Variants in RANBP2 observed in about 807,000 individuals in gnomAD.
RANBP2 encodes the protein RAN binding protein 2.
In RANBP2, 57 loss-of-function variants were observed where a neutral mutation model predicts 303.6. That is an observed-to-expected ratio of 0.19 (90% CI 0.15 to 0.23). The LOEUF (loss-of-function observed/expected upper bound fraction) is 0.23. RANBP2 is among the 10% of genes least tolerant of loss of function. The probability of loss-of-function intolerance (pLI) is 1.00; values close to 1 mark genes in which losing one functional copy is unlikely to be tolerated. For missense variants in RANBP2, 3,138 were observed against 3,780.8 expected (o/e 0.83, Z 4.46); for synonymous variants, 1,167 against 1,301.5 (o/e 0.90, Z 2.23).
chr2:109,495,039 A>C, the RANBP2 span, among the ~76,000 whole-genome samples: 2 of 152,156 alleles, frequency 1.3e-5, no homozygotes. Context: ...CCAGTCTCGT[A>C]AGTAGACTTA....
intron 9 of RANBP2, among the ~76,000 whole-genome samples, chr2:108,750,497 T>C (rs1675789036): frequency 6.6e-6 from 1 of 152,226 alleles, no homozygotes; most frequent in Non-Finnish European, 1.5e-5. Flanking sequence ...TCTTTAAGTC[T>C]TGCAAATTGC....
Position 108,736,024 on chromosome 2 carries a change from A to G in RANBP2, c.637-80A>G, listed in dbSNP as rs554738088. On this transcript the variant is annotated intron_variant, in intron 5 of 28. Transcript: ENST00000283195. ...TTCACAAATGTGGTTGGAGTGAGAAAAGGAATTTGTAGGCTTAAAATGATT... is the reference window on the plus strand; with the variant it reads ...TTCACAAATGTGGTTGGAGTGAGAAGAGGAATTTGTAGGCTTAAAATGATT... 7.0e-5 allele frequency: 113 copies of G among 1,610,662 alleles called. No homozygotes were observed. The South Asian group carries it at 1.1e-3, about 16-fold the overall frequency.
At chr2:109,302,635 G>C in the RANBP2 span, among the ~76,000 whole-genome samples, 4 of 152,368 alleles carry the variant, frequency 2.6e-5, no homozygotes, top group African/African-American at 7.2e-5. Flanking sequence ...GCCAGCCCAG[G>C]CCGCCAGGTC....
chr2:108,744,953 C>T (rs1460371110), intron 7 of RANBP2, among the ~76,000 whole-genome samples: 1 of 152,018 alleles, frequency 6.6e-6, no homozygotes, highest in Admixed American at 6.6e-5. Context: ...ATTGCATTTA[C>T]TTTATTTCCA....
chr2:109,194,130 A>T, the RANBP2 span, among the ~76,000 whole-genome samples: 1 of 152,222 alleles, frequency 6.6e-6, no homozygotes, highest in African/African-American at 2.4e-5. Context: ...GTTGCTGTTG[A>T]TGGAGTCACT....
chr2:109,330,423 T>C, the RANBP2 span, among the ~76,000 whole-genome samples: 1 of 152,362 alleles, frequency 6.6e-6, no homozygotes, highest in South Asian at 2.1e-4. Context: ...GATTATTCCT[T>C]AGTCATGTAT....
chr2:109,386,416 TA>T, the RANBP2 span, among the ~76,000 whole-genome samples: 181 of 147,120 alleles, frequency 1.2e-3, no homozygotes, highest in East Asian at 2.6e-3. Context: ...ACAAGAAGTT[TA>T]AAAAAAAAAA....
the RANBP2 span, among the ~76,000 whole-genome samples, chr2:109,766,320 C>A: frequency 6.6e-6 from 1 of 150,848 alleles, no homozygotes; most frequent in Non-Finnish European, 1.5e-5. Flanking sequence ...GTTGCATCCG[C>A]TGTGGAGGAG....
chr2:109,340,475 A>T, the RANBP2 span, among the ~76,000 whole-genome samples: 1 of 152,172 alleles, frequency 6.6e-6, no homozygotes, highest in Non-Finnish European at 1.5e-5. Context: ...TTCTTTGCTG[A>T]ATTCACTTAT....
At chr2:109,139,759 A>G in the RANBP2 span, among the ~76,000 whole-genome samples, 1 of 152,262 alleles carries the variant, frequency 6.6e-6, no homozygotes, top group Admixed American at 6.5e-5. Flanking sequence ...GCTATGGGTC[A>G]GCAGCCCATT....
chr2:109,391,048 C>A, the RANBP2 span, among the ~76,000 whole-genome samples: 1 of 152,240 alleles, frequency 6.6e-6, no homozygotes, highest in Non-Finnish European at 1.5e-5. Flanking sequence ...GACCAGCCTG[C>A]ACCTGACAGG....
chr2:108,820,296 A>C, the RANBP2 span, among the ~76,000 whole-genome samples: 4 of 152,284 alleles, frequency 2.6e-5, no homozygotes, highest in Non-Finnish European at 5.9e-5. Context: ...AAGAGAAAAA[A>C]ACGAAGAAAA....
At chr2:109,164,667 T>C in the RANBP2 span, among the ~76,000 whole-genome samples, 1 of 152,202 alleles carries the variant, frequency 6.6e-6, no homozygotes, top group Non-Finnish European at 1.5e-5. Flanking sequence ...CACTTACTTG[T>C]ATCAACTGCC....
the RANBP2 span, among the ~76,000 whole-genome samples, chr2:109,109,114 T>C: frequency 2.0e-5 from 3 of 152,388 alleles, no homozygotes; most frequent in East Asian, 5.8e-4. Flanking sequence ...GGAGGGATTC[T>C]GTCTCAGTGG....
the RANBP2 span, among the ~76,000 whole-genome samples, chr2:109,037,323 C>CAAAAAAAAA: frequency 1.8e-5 from 1 of 54,334 alleles, no homozygotes; most frequent in Non-Finnish European, 3.9e-5. Flanking sequence ...GACCATGTCT[C>CAAAAAAAAA]AAAAAAAAAA....
the RANBP2 span, among the ~76,000 whole-genome samples, chr2:109,611,530 G>T: frequency 6.6e-6 from 1 of 152,154 alleles, no homozygotes; most frequent in African/African-American, 2.4e-5. Context: ...GGCTGAGACG[G>T]GAGGATCGCT....
chr2:109,253,030 C>A, the RANBP2 span, among the ~76,000 whole-genome samples: 7 of 151,028 alleles, frequency 4.6e-5, no homozygotes, highest in African/African-American at 1.7e-4. Flanking sequence ...CTTTTTTTTT[C>A]TTTTTTTTTA....
the RANBP2 span, among the ~76,000 whole-genome samples, chr2:109,433,697 A>C: frequency 6.6e-6 from 1 of 152,206 alleles, no homozygotes; most frequent in Non-Finnish European, 1.5e-5. Context: ...TCTAGTTCGC[A>C]AGGCAATCTT....
the RANBP2 span, among the ~76,000 whole-genome samples, chr2:108,830,887 C>T: frequency 6.8e-6 from 1 of 147,154 alleles, no homozygotes; most frequent in Non-Finnish European, 1.5e-5. Flanking sequence ...TTGGCCAGGA[C>T]AACTTGGCCA....
Sources: allele counts gnomAD v4.1 joint callset (sites outside exome capture counted in the v4.1 genomes callset), GRCh38; gene constraint gnomAD v4.1.1; transcripts MANE v1.5; gene names NCBI Gene and HGNC (gene_info 2026-07-23, HGNC 2026-07-21).